RAB23: variants seen among roughly 807,000 people sequenced by gnomAD.
The protein encoded by RAB23 is RAB23, member RAS oncogene family.
A neutral mutation model predicts 30.0 loss-of-function variants in RAB23; 15 were observed. That is an observed-to-expected ratio of 0.50 (90% CI 0.33 to 0.77). The LOEUF is 0.77. Among genes scored for constraint, RAB23 ranks in the 30% least tolerant of loss-of-function variants. The pLI is 0.02. For synonymous variants in RAB23, 93 were observed against 94.0 expected (o/e 0.99, Z 0.06); for missense variants, 243 against 275.4 (o/e 0.88, Z 0.83).
intron 2 of RAB23, among the ~76,000 whole-genome samples, chr6:57,208,984 T>C (rs1474159950): frequency 6.6e-6 from 1 of 152,150 alleles, no homozygotes; most frequent in East Asian, 1.9e-4. Flanking sequence ...TTATCTAACA[T>C]ATTTATTTTT....
chr6:57,196,771 C>T (rs1765039227), intron 3 of RAB23, among the ~76,000 whole-genome samples, 165 bp from the exon 4 acceptor site: 1 of 152,160 alleles, frequency 6.6e-6, no homozygotes, highest in African/African-American at 2.4e-5. Flanking sequence ...CTCTTCTTTA[C>T]TTTTCAACAT....
In RAB23 at chr6:57,188,600, A is replaced by AAGAG; in HGVS notation, c.*1857_*1860dup. On this transcript the variant is annotated 3_prime_UTR_variant, in exon 7 of 7. Coordinates refer to ENST00000468148, the MANE Select transcript of RAB23 (RefSeq NM_016277.5). ...GAGGAGAGTAGAGAGTAGAAAATTG[A>AAGAG]AGAGAGTAGAAAAGATGACTCATTA... The AAGAG allele has an allele frequency of 6.6e-6, 1 of 152,262 alleles. No homozygotes were observed. Among genetic ancestry groups the AAGAG allele is most frequent in the African/African-American group, 2.4e-5 (1 of 41,568 alleles). The allele number at this position is 152,262 out of a possible 1,614,324, so 9.4% of individuals were successfully genotyped here. A position where few individuals can be genotyped will look rare whatever the true frequency, so the allele number is the denominator to read the frequency against.
intron 3 of RAB23, among the ~76,000 whole-genome samples, chr6:57,206,607 G>C (rs915072739): frequency 6.6e-6 from 1 of 152,104 alleles, no homozygotes; most frequent in African/African-American, 2.4e-5. Context: ...GGACTTTCAA[G>C]GTGCCGAGGT....
At chr6:57,198,898 T>C (rs374997802) in intron 3 of RAB23, among the ~76,000 whole-genome samples, 1 of 152,006 alleles carries the variant, frequency 6.6e-6, no homozygotes, top group Admixed American at 6.5e-5. Flanking sequence ...GCAGTAAGAA[T>C]GATTAAGAAA....
At chr6:57,195,705 T>C (rs1251881073) in intron 4 of RAB23, among the ~76,000 whole-genome samples, 1 of 152,228 alleles carries the variant, frequency 6.6e-6, no homozygotes, top group Admixed American at 6.5e-5. Flanking sequence ...TAAGCCATCA[T>C]AGAAATGGAT....
At chr6:57,207,285 A>G (rs1454889819) in intron 3 of RAB23, among the ~76,000 whole-genome samples, 1 of 152,172 alleles carries the variant, frequency 6.6e-6, no homozygotes, top group East Asian at 1.9e-4. Context: ...CTTATTTGCC[A>G]GGGCTTTACT....
chr6:57,190,187 C>T lies in RAB23; in HGVS notation c.*274G>A. On this transcript the variant is annotated 3_prime_UTR_variant, in exon 7 of 7. Coordinates refer to ENST00000468148, the MANE Select transcript of RAB23 (RefSeq NM_016277.5). ...TTCCAGCATTTAAAATTCCGCAAAACCTGTGTTTGAAATTTCTTATAGCAT... is the reference window on the plus strand; with the variant it reads ...TTCCAGCATTTAAAATTCCGCAAAATCTGTGTTTGAAATTTCTTATAGCAT... 2.7e-6 allele frequency: 1 copy of T among 370,198 alleles called. No homozygotes were observed. The highest frequency in any genetic ancestry group is 5.0e-6 in the Non-Finnish European group (1 of 201,786). 22.9% of individuals were successfully genotyped at this position (370,198 alleles called of 1,614,324 possible).
rs1300616539 is a variant in RAB23, at chr6:57,190,672, T to C, written c.575-72A>G. On this transcript the variant is annotated intron_variant, in intron 6 of 6. Transcript: ENST00000468148. ...TTACCTGTTGCATCCAGCTTGTTAG[T>C]AAAATCAGTAATATTTTCAAGTATT... The C allele has an allele frequency of 3.9e-6, 6 of 1,525,456 alleles. No homozygotes were observed. The Admixed American group carries it at 6.7e-5, about 17-fold the overall frequency. The allele number at this position is 1,525,456 out of a possible 1,614,324, so 94.5% of individuals were successfully genotyped here.
At chr6:57,214,981 G>C (rs1034798065) in intron 1 of RAB23, among the ~76,000 whole-genome samples, 2 of 152,018 alleles carry the variant, frequency 1.3e-5, no homozygotes, top group African/African-American at 4.8e-5. Flanking sequence ...ATAAACAGAA[G>C]ATATAAAGAA....
chr6:57,220,156 C>T (rs572478539), intron 1 of RAB23, among the ~76,000 whole-genome samples: 5 of 152,234 alleles, frequency 3.3e-5, no homozygotes, highest in African/African-American at 1.2e-4. Flanking sequence ...CACATGAAAA[C>T]ATGTACATCT....
At chr6:57,200,000 G>A (rs1368836647) in intron 3 of RAB23, among the ~76,000 whole-genome samples, 1 of 151,698 alleles carries the variant, frequency 6.6e-6, no homozygotes, top group Non-Finnish European at 1.5e-5. Flanking sequence ...CTAATATTTA[G>A]TTTAAAAAGC....
chr6:57,221,348 G>C (rs1593233404), intron 1 of RAB23: 2 of 152,382 alleles, frequency 1.3e-5, no homozygotes, highest in Admixed American at 1.3e-4. Flanking sequence ...CTTACTCCTG[G>C]GAACTGCCGA....
In RAB23 at chr6:57,196,445, C is replaced by G; in HGVS notation, c.398+5G>C. ...TCCCTCCTTCCCCAAAAGTAGCCAT[C>G]TTACTTCTTTATACAAGAATCATCC... On this transcript the variant is annotated splice_donor_5th_base_variant and intron_variant, in intron 4 of 6. Transcript: ENST00000468148. 1 of 1,613,962 alleles carries G rather than the reference C, an allele frequency of 6.2e-7. No homozygotes were observed. Among genetic ancestry groups the G allele is most frequent in the Non-Finnish European group, 8.5e-7 (1 of 1,179,918 alleles).
At chr6:57,193,790 T>G (rs1764923851) in intron 6 of RAB23, 52 bp downstream of exon 6, 1 of 1,594,234 alleles carries the variant, frequency 6.3e-7, no homozygotes, top group East Asian at 2.3e-5. Flanking sequence ...ATATTATATG[T>G]GTTTTTTAAC....
rs1485030118 is a variant in RAB23, at chr6:57,196,459, C to G, written c.389G>C (p.Cys130Ser). ...AAAGTAGCCATCTTACTTCTTTATA[C>G]AAGAATCATCCAGAAGATCAATCTT... ...QNKIDLLDDS[C>S]IKNEEAEALA... The change falls in exon 4 of 7, where the codon TGT (cysteine) becomes TCT (serine). Residue 130 changes from cysteine to serine, a missense_variant. By Grantham distance (112) the Cys-to-Ser change is moderately radical. Coordinates refer to ENST00000468148, the MANE Select transcript of RAB23 (RefSeq NM_016277.5). 6.2e-7 allele frequency: 1 copy of G among 1,613,932 alleles called. No individual in the cohort carries two copies. The highest frequency in any genetic ancestry group is 8.5e-7 in the Non-Finnish European group (1 of 1,179,920).
intron 6 of RAB23, among the ~76,000 whole-genome samples, chr6:57,190,812 C>T (rs1205393677): frequency 1.3e-5 from 2 of 152,142 alleles, no homozygotes; most frequent in Admixed American, 6.6e-5. Context: ...CAATCACCCC[C>T]GTCCATCTCC....
intron 3 of RAB23, among the ~76,000 whole-genome samples, chr6:57,202,817 T>C (rs545229790): frequency 6.6e-6 from 1 of 152,280 alleles, no homozygotes; most frequent in Non-Finnish European, 1.5e-5. Flanking sequence ...TAATGTTCAA[T>C]ATACTGTTTT....
intron 2 of RAB23, 131 bp downstream of exon 2, chr6:57,210,094 TC>T (rs1765597115): frequency 6.8e-6 from 6 of 880,404 alleles, no homozygotes; most frequent in Non-Finnish European, 1.1e-5. Flanking sequence ...AAAACCACCA[TC>T]ACTGTCGCAT....
chr6:57,193,448 G>A (rs1325099745), intron 6 of RAB23, among the ~76,000 whole-genome samples: 1 of 152,190 alleles, frequency 6.6e-6, no homozygotes, highest in East Asian at 1.9e-4. Context: ...TTGTTCTTCA[G>A]AGAATGCTAA....
Sources: gnomAD v4.1 joint callset for allele counts (sites outside exome capture counted in the v4.1 genomes callset) on GRCh38, gnomAD v4.1.1 for gene constraint, MANE v1.5 for transcripts, NCBI Gene and HGNC (gene_info 2026-07-23, HGNC 2026-07-21) for gene names.